The following KCNIP3 variants were observed in gnomAD, a reference collection of about 807,000 sequenced individuals.
KCNIP3 encodes the protein calsenilin.
KCNIP3 carries 28 observed loss-of-function variants against 35.0 expected under a neutral mutation model. The ratio of observed to expected loss-of-function variants is 0.80; its 90% CI spans 0.59 to 1.10. KCNIP3 has a LOEUF of 1.10. Among genes scored for constraint, KCNIP3 ranks in the 50% least tolerant of loss-of-function variants. The pLI is 0.00. For missense variants in KCNIP3, 295 were observed against 338.4 expected, an observed-to-expected ratio of 0.87 and a Z score of 1.01; for synonymous variants, 134 against 133.8, an observed-to-expected ratio of 1.00 and a Z score of -0.01.
intron 1 of KCNIP3, among the ~76,000 whole-genome samples, chr2:95,301,942 A>G (rs1678042681): frequency 6.6e-6 from 1 of 152,034 alleles, no homozygotes; most frequent in South Asian, 2.1e-4. Context: ...GCACACATGC[A>G]TCTTCAGGGA....
intron 7 of KCNIP3, 96 bp from the exon 8 acceptor site, chr2:95,383,136 C>A: frequency 1.4e-6 from 1 of 714,092 alleles, no homozygotes; most frequent in East Asian, 3.2e-5. Flanking sequence ...CACCCACCCG[C>A]CCATCCACCC....
At position 95,374,832 on chromosome 2, in the gene KCNIP3, T is replaced by A. The variant is rs200627427; in HGVS notation, c.307-16T>A. 276 of 1,612,154 alleles carry A rather than the reference T, an allele frequency of 1.7e-4. No homozygotes were observed. The highest frequency in any genetic ancestry group is 2.2e-4 in the Non-Finnish European group (264 of 1,179,688). ...TGGGGGTGGCCGAGGGCTGAGGGGG[T>A]GCCTTCCTGCTGCAGGAGTGTCCCA... On this transcript the variant is annotated splice_polypyrimidine_tract_variant and intron_variant, in intron 3 of 8. Transcript: ENST00000295225.
chr2:95,339,781 C>A (rs1679148851), intron 2 of KCNIP3, among the ~76,000 whole-genome samples: 1 of 152,142 alleles, frequency 6.6e-6, no homozygotes, highest in African/African-American at 2.4e-5. Flanking sequence ...AAATCGATAG[C>A]TCTTACTTGA....
chr2:95,352,829 T>A (rs1679561609), intron 2 of KCNIP3, among the ~76,000 whole-genome samples: 1 of 152,118 alleles, frequency 6.6e-6, no homozygotes. Flanking sequence ...TCATCACAAC[T>A]GGTGACCAGA....
In KCNIP3 at chr2:95,376,632, C is replaced by T. The variant is rs561178398; in HGVS notation, c.447+1424C>T. Reference sequence around the variant, plus strand: ...CGTGAAACGAAGTCCTCTGGCTTCACGCAGGTACATTTACCTTGAGGAACT... The same window carrying T: ...CGTGAAACGAAGTCCTCTGGCTTCATGCAGGTACATTTACCTTGAGGAACT... On this transcript the variant is annotated intron_variant, in intron 5 of 8. Transcript: ENST00000295225. The surrounding 1 kb of genome is among the most constrained non-coding windows in gnomAD (Gnocchi z 4.2). 2.0e-4 allele frequency among the ~76,000 whole-genome samples: 31 copies of T among 152,360 alleles called. No homozygotes were observed. The South Asian group carries it at 6.0e-3, about 29-fold the overall frequency.
intron 2 of KCNIP3, among the ~76,000 whole-genome samples, chr2:95,322,475 C>G (rs941476102): frequency 1.3e-5 from 2 of 152,174 alleles, no homozygotes; most frequent in African/African-American, 4.8e-5. Flanking sequence ...TGACCCTGGA[C>G]AAGTTGCTGG....
Position 95,384,748 on chromosome 2 carries a change from C to T in KCNIP3, c.*699C>T, listed in dbSNP as rs1680448822. On this transcript the variant is annotated 3_prime_UTR_variant, in exon 9 of 9. Coordinates refer to ENST00000295225, the MANE Select transcript of KCNIP3 (RefSeq NM_013434.5). ...GGGCCACTGGGCCCCATTCTCCCTC[C>T]ATGGCAGGAAGGCGGGGGATTTCAA... 1.3e-5 allele frequency: 2 copies of T among 152,448 alleles called. No homozygotes were observed. The highest frequency in any genetic ancestry group is 6.5e-5 in the Admixed American group (1 of 15,288). The allele number at this position is 152,448 out of a possible 1,614,324, so 9.4% of individuals were successfully genotyped here. A position where few individuals can be genotyped will look rare whatever the true frequency, so the allele number is the denominator to read the frequency against.
chr2:95,335,164 A>C (rs1050382067), intron 2 of KCNIP3, among the ~76,000 whole-genome samples: 21 of 152,240 alleles, frequency 1.4e-4, no homozygotes, highest in Admixed American at 2.0e-4. Context: ...TGAGATGCTA[A>C]GAGATCCCAC....
intron 7 of KCNIP3, 97 bp from the exon 8 acceptor site, chr2:95,383,135 G>T: frequency 4.5e-6 from 1 of 221,190 alleles, no homozygotes; most frequent in East Asian, 1.6e-4. Flanking sequence ...CCACCCACCC[G>T]CCCATCCACC....
chr2:95,358,734 A>T lies in KCNIP3; in HGVS notation c.182-15562A>T, dbSNP rs540827441. 4.6e-5 allele frequency among the ~76,000 whole-genome samples: 7 copies of T among 152,348 alleles called. No homozygotes were observed. In the East Asian group the frequency reaches 9.6e-4, roughly 21 times the overall value. On this transcript the variant is annotated intron_variant, in intron 2 of 8. Transcript: ENST00000295225. ...CTGAAGGGCACAGGGAGCAAGAGAG[A>T]GTAAGAGGGGCAAAACTACTCTCAT...
In KCNIP3 at chr2:95,385,574, C is replaced by G. The variant is rs553515289; in HGVS notation, c.*1525C>G. The stretch of plus-strand genomic sequence containing the variant: ...AGCCCAGCTCCACTCAGGGCTGGCC[C>G]GGGGAGTCCCCGTGTGCCCCAAGAG... On this transcript the variant is annotated 3_prime_UTR_variant, in exon 9 of 9. Transcript: ENST00000295225. The G allele has an allele frequency of 1.3e-5, 2 of 152,782 alleles. No homozygotes were observed. Among genetic ancestry groups the G allele is most frequent in the Non-Finnish European group, 2.9e-5 (2 of 68,198 alleles). 9.5% of individuals were successfully genotyped at this position (152,782 alleles called of 1,614,324 possible).
chr2:95,323,636 G>A (rs943145889), intron 2 of KCNIP3, among the ~76,000 whole-genome samples: 9 of 152,146 alleles, frequency 5.9e-5, no homozygotes, highest in Admixed American at 5.9e-4. Context: ...CGCGTTTTCT[G>A]TTCCCACCCC....
At chr2:95,306,786 C>G (rs1016227044) in intron 1 of KCNIP3, among the ~76,000 whole-genome samples, 1 of 152,184 alleles carries the variant, frequency 6.6e-6, no homozygotes, top group Non-Finnish European at 1.5e-5. Flanking sequence ...CACCAAGGCA[C>G]TGTGGGGTGA....
At chr2:95,355,810 G>A (rs1679643234) in intron 2 of KCNIP3, among the ~76,000 whole-genome samples, 1 of 152,256 alleles carries the variant, frequency 6.6e-6, no homozygotes, top group African/African-American at 2.4e-5. Flanking sequence ...AAACATACGT[G>A]TGCATGTGTC....
At chr2:95,325,421 AGCAGCTTGGGGTCTG>A in intron 2 of KCNIP3, among the ~76,000 whole-genome samples, 1 of 152,320 alleles carries the variant, frequency 6.6e-6, no homozygotes, top group South Asian at 2.1e-4. Flanking sequence ...GGGACGTCCC[AGCAGCTTGGGGTCTG>A]GCTGAAAGCT....
chr2:95,382,245 C>A lies in KCNIP3; in HGVS notation c.556-132C>A. 2.0e-6 allele frequency: 1 copy of A among 508,140 alleles called. No individual in the cohort carries two copies. Among genetic ancestry groups the A allele is most frequent in the Non-Finnish European group, 3.5e-6 (1 of 287,654 alleles). The allele number at this position is 508,140 out of a possible 1,614,324, so 31.5% of individuals were successfully genotyped here. ...GTGCCCTGGAAGCGGACAGGCTTCT[C>A]TCTCCAGCTCGTCCGGCCCCTCGCA... On this transcript the variant is annotated intron_variant, in intron 6 of 8. Coordinates refer to ENST00000295225, the MANE Select transcript of KCNIP3 (RefSeq NM_013434.5). This position sits in a 1 kb window ranked among gnomAD's most constrained non-coding sequence, Gnocchi z 4.5.
In KCNIP3 at chr2:95,375,101, C is replaced by T. The variant is rs764790571; in HGVS notation, c.377-37C>T. ...GGGTGGGAGATGAGCCGCCAGGCAG[C>T]CCCGACACACCCCAGCCTCTTCCTT... On this transcript the variant is annotated intron_variant, in intron 4 of 8. Transcript: ENST00000295225. The T allele has an allele frequency of 3.7e-6, 6 of 1,602,288 alleles. No homozygotes were observed. The African/African-American group carries it at 6.7e-5, about 18-fold the overall frequency.
chr2:95,339,576 C>T (rs866897530), intron 2 of KCNIP3, among the ~76,000 whole-genome samples: 56 of 150,990 alleles, frequency 3.7e-4, no homozygotes, highest in African/African-American at 1.2e-3. Flanking sequence ...AGAGTAAGAC[C>T]CTGTCAAAAA....
At chr2:95,326,309 TACAC>T (rs201143580) in intron 2 of KCNIP3, among the ~76,000 whole-genome samples, 7 of 151,746 alleles carry the variant, frequency 4.6e-5, no homozygotes, top group South Asian at 2.1e-4. Flanking sequence ...CACATACACA[TACAC>T]ACACACGTGT....
Sources: allele counts gnomAD v4.1 joint callset (sites outside exome capture counted in the v4.1 genomes callset), GRCh38; gene constraint gnomAD v4.1.1; non-coding constraint Gnocchi (gnomAD v3.1); transcripts MANE v1.5; gene names NCBI Gene and HGNC (gene_info 2026-07-23, HGNC 2026-07-21).